The following UBAC2 variants were observed in gnomAD, a reference collection of about 807,000 sequenced individuals.
UBAC2 encodes the protein UBA domain containing 2.
Under a neutral mutation model 44.0 loss-of-function variants are expected in UBAC2, and 26 were observed. The observed-to-expected ratio is 0.59, with a 90% CI of 0.43 to 0.82. UBAC2 has a LOEUF of 0.82. Ranked by LOEUF, UBAC2 falls within the 40% of genes least tolerant of loss-of-function variation. The pLI is 0.00. For synonymous variants in UBAC2, 155 were observed against 154.3 expected, an observed-to-expected ratio of 1.00 and a Z score of -0.04; for missense variants, 329 against 419.4, an observed-to-expected ratio of 0.78 and a Z score of 1.88.
At chr13:99,358,138 G>A (rs966219874) in intron 7 of UBAC2, among the ~76,000 whole-genome samples, 1 of 152,168 alleles carries the variant, frequency 6.6e-6, no homozygotes, top group East Asian at 1.9e-4. Flanking sequence ...CCCAGCAGGA[G>A]TAGAGAATGT....
chr13:99,366,535 A>G (rs1052234489), intron 7 of UBAC2, among the ~76,000 whole-genome samples: 1 of 152,202 alleles, frequency 6.6e-6, no homozygotes. Flanking sequence ...TATGTATAGT[A>G]TAACTTGAAC....
At chr13:99,275,510 A>G (rs986051274) in intron 4 of UBAC2, among the ~76,000 whole-genome samples, 2 of 151,876 alleles carry the variant, frequency 1.3e-5, no homozygotes, top group African/African-American at 2.4e-5. Flanking sequence ...AATATTTATA[A>G]CCTATTTTAA....
At chr13:99,243,629 C>T (rs1379989182) in intron 2 of UBAC2, among the ~76,000 whole-genome samples, 1 of 152,032 alleles carries the variant, frequency 6.6e-6, no homozygotes, top group African/African-American at 2.4e-5. Context: ...ATTCAAGTAC[C>T]TTTCGTGCCA....
chr13:99,336,719 C>T (rs1225242436), intron 6 of UBAC2, among the ~76,000 whole-genome samples: 1 of 152,182 alleles, frequency 6.6e-6, no homozygotes, highest in East Asian at 1.9e-4. Flanking sequence ...TCTGATAGGA[C>T]TTACGTTTCT....
chr13:99,278,401 A>G (rs893004017), intron 4 of UBAC2, among the ~76,000 whole-genome samples: 1 of 152,170 alleles, frequency 6.6e-6, no homozygotes, highest in Non-Finnish European at 1.5e-5. Flanking sequence ...CAGCACACCT[A>G]CAATCATCTG....
intron 2 of UBAC2, among the ~76,000 whole-genome samples, chr13:99,241,011 G>T (rs138407691): frequency 6.6e-6 from 1 of 152,220 alleles, no homozygotes; most frequent in East Asian, 1.9e-4. Context: ...TGTCATTTCA[G>T]CACCTTGGGA....
In UBAC2 at chr13:99,230,175, G is replaced by T. The variant is rs118110221; in HGVS notation, c.32-8252G>T. 9.9e-5 allele frequency among the ~76,000 whole-genome samples: 15 copies of T among 152,258 alleles called. No homozygotes were observed. In the East Asian group the frequency reaches 2.9e-3, roughly 29 times the overall value. The stretch of plus-strand genomic sequence containing the variant: ...ACAAACGTGGTGGTTTAAAACAAAA[G>T]AAATATGGCCAGGCACAGTGGCTCA... On this transcript the variant is annotated intron_variant, in intron 1 of 8. Coordinates refer to ENST00000403766, the MANE Select transcript of UBAC2 (RefSeq NM_001144072.2).
intron 6 of UBAC2, among the ~76,000 whole-genome samples, chr13:99,330,269 A>G (rs1433862024): frequency 6.6e-6 from 1 of 151,196 alleles, no homozygotes; most frequent in African/African-American, 2.4e-5. Flanking sequence ...GACCAGCCTG[A>G]CCAACATGGT....
At chr13:99,224,826 CTATT>C (rs1306724608) in intron 1 of UBAC2, among the ~76,000 whole-genome samples, 1 of 152,284 alleles carries the variant, frequency 6.6e-6, no homozygotes, top group South Asian at 2.1e-4. Context: ...TTAATAATAA[CTATT>C]TAAAGGTTTT....
At chr13:99,266,004 C>T (rs1030712402) in intron 4 of UBAC2, among the ~76,000 whole-genome samples, 2 of 152,122 alleles carry the variant, frequency 1.3e-5, no homozygotes, top group Admixed American at 1.3e-4. Flanking sequence ...CTCCGGTTTT[C>T]CATACCGATT....
chr13:99,302,380 A>C (rs1413927715), intron 4 of UBAC2, among the ~76,000 whole-genome samples: 1 of 152,226 alleles, frequency 6.6e-6, no homozygotes, highest in Non-Finnish European at 1.5e-5. Flanking sequence ...GAGGAAATAA[A>C]GATAAGCACA....
chr13:99,249,206 AAT>A (rs1430506349), intron 4 of UBAC2, among the ~76,000 whole-genome samples: 1 of 150,458 alleles, frequency 6.6e-6, no homozygotes, highest in Admixed American at 6.6e-5. Context: ...TTCCCCCTCT[AAT>A]AGTCTTCCGT....
At chr13:99,210,329 G>A (rs1274270606) in intron 1 of UBAC2, among the ~76,000 whole-genome samples, 1 of 152,084 alleles carries the variant, frequency 6.6e-6, no homozygotes, top group Non-Finnish European at 1.5e-5. Context: ...TGTTTCTGCT[G>A]TTTTTCCAGT....
intron 1 of UBAC2, among the ~76,000 whole-genome samples, chr13:99,232,738 A>G (rs1040689186): frequency 1.3e-5 from 2 of 152,092 alleles, no homozygotes; most frequent in Non-Finnish European, 1.5e-5. Context: ...CCTGGGCCAC[A>G]TGGCAAAACC....
intron 4 of UBAC2, chr13:99,308,022 A>G (rs973761833): frequency 6.6e-5 from 10 of 152,230 alleles, no homozygotes; most frequent in Non-Finnish European, 1.3e-4. Flanking sequence ...AGGGAGGCCC[A>G]TTATAGATAA....
At chr13:99,283,456 A>T (rs2043978673) in intron 4 of UBAC2, among the ~76,000 whole-genome samples, 1 of 152,126 alleles carries the variant, frequency 6.6e-6, no homozygotes, top group Admixed American at 6.5e-5. Flanking sequence ...AAATCTTAAT[A>T]AATTTATATT....
At chr13:99,242,261 C>T (rs1188604219) in intron 2 of UBAC2, among the ~76,000 whole-genome samples, 1 of 151,926 alleles carries the variant, frequency 6.6e-6, no homozygotes, top group African/African-American at 2.4e-5. Flanking sequence ...GGCACACCTC[C>T]CAGACGGGGT....
At chr13:99,384,285 C>T (rs2045590116) in intron 8 of UBAC2, among the ~76,000 whole-genome samples, 1 of 152,170 alleles carries the variant, frequency 6.6e-6, no homozygotes, top group African/African-American at 2.4e-5. Flanking sequence ...AGACTGTTGA[C>T]TTTGATGAGG....
chr13:99,267,508 C>T (rs1028362721), intron 4 of UBAC2, among the ~76,000 whole-genome samples: 3 of 152,042 alleles, frequency 2.0e-5, no homozygotes, highest in Non-Finnish European at 2.9e-5. Context: ...TGACTTAAGC[C>T]GAAGCAGTAT....
Sources: allele counts gnomAD v4.1 joint callset (sites outside exome capture counted in the v4.1 genomes callset), GRCh38; gene constraint gnomAD v4.1.1; transcripts MANE v1.5; gene names NCBI Gene and HGNC (gene_info 2026-07-23, HGNC 2026-07-21).